The following FLRT2 variants were observed in gnomAD, a reference collection of about 807,000 sequenced individuals.
FLRT2 encodes leucine-rich repeat transmembrane protein FLRT2.
Under a neutral mutation model 40.0 loss-of-function variants are expected in FLRT2, and 15 were observed. The ratio of observed to expected loss-of-function variants is 0.38; its 90% CI spans 0.25 to 0.58. The LOEUF is 0.58. Ranked by LOEUF, FLRT2 falls within the 20% of genes least tolerant of loss-of-function variation. The pLI, the probability that FLRT2 is intolerant of heterozygous loss-of-function variation, is 0.71. For synonymous variants in FLRT2, 380 were observed against 336.8 expected, an observed-to-expected ratio of 1.13 and a Z score of -1.41; for missense variants, 726 against 840.0, an observed-to-expected ratio of 0.86 and a Z score of 1.68.
chr14:85,577,668 T>G (rs754677764), intron 1 of FLRT2, among the ~76,000 whole-genome samples: 3 of 151,956 alleles, frequency 2.0e-5, no homozygotes, highest in Non-Finnish European at 4.4e-5. Flanking sequence ...CTTGCTGTAA[T>G]CTGGAACTCC....
chr14:85,618,570 C>T (rs1020287137), intron 1 of FLRT2, among the ~76,000 whole-genome samples: 2 of 152,068 alleles, frequency 1.3e-5, no homozygotes, highest in Non-Finnish European at 2.9e-5. Context: ...AAGTGTCGTA[C>T]ATAGTCATTG....
chr14:85,581,682 A>T (rs756042743), intron 1 of FLRT2, among the ~76,000 whole-genome samples: 1 of 152,206 alleles, frequency 6.6e-6, no homozygotes, highest in Non-Finnish European at 1.5e-5. Flanking sequence ...GTTTTACAGT[A>T]TTATTTTAAA....
intron 1 of FLRT2, among the ~76,000 whole-genome samples, chr14:85,616,632 C>T (rs867233724): frequency 3.9e-5 from 6 of 152,144 alleles, no homozygotes; most frequent in East Asian, 1.9e-4. Context: ...TCTATCCTTC[C>T]GATTTTCACA....
chr14:85,571,366 T>A (rs1473188062), intron 1 of FLRT2, among the ~76,000 whole-genome samples: 1 of 152,158 alleles, frequency 6.6e-6, no homozygotes, highest in African/African-American at 2.4e-5. Context: ...TATTAGGTGG[T>A]CAAATAATGT....
At chr14:85,570,059 A>C (rs1423567880) in intron 1 of FLRT2, among the ~76,000 whole-genome samples, 1 of 152,130 alleles carries the variant, frequency 6.6e-6, no homozygotes, top group Non-Finnish European at 1.5e-5. Context: ...ACCAAATAAG[A>C]CTGTGTATCT....
Position 85,622,591 on chromosome 14 carries a change from C to A in FLRT2, c.1077C>A (p.Ser359=). ...AVRELNMNLL[S]CPTTTPGLPL... Reference sequence around the variant, plus strand: ...GGGAATTAAATATGAATCTTTTGTCCTGTCCCACCACGACCCCCGGCCTGC... The same window carrying A: ...GGGAATTAAATATGAATCTTTTGTCATGTCCCACCACGACCCCCGGCCTGC... Residue 359 remains serine, a synonymous_variant, in exon 2 of 2, where the codon TCC becomes TCA. Coordinates refer to ENST00000330753, the MANE Select transcript of FLRT2 (RefSeq NM_013231.6). 6.2e-7 allele frequency: 1 copy of A among 1,613,472 alleles called. No individual in the cohort carries two copies. Among genetic ancestry groups the A allele is most frequent in the Non-Finnish European group, 8.5e-7 (1 of 1,179,900 alleles).
intron 1 of FLRT2, among the ~76,000 whole-genome samples, chr14:85,611,495 A>G (rs1403468802): frequency 6.6e-6 from 1 of 152,202 alleles, no homozygotes; most frequent in East Asian, 1.9e-4. Flanking sequence ...GCTCATCAGG[A>G]AAGCACAACA....
At chr14:85,576,797 C>T (rs910120293) in intron 1 of FLRT2, among the ~76,000 whole-genome samples, 11 of 152,190 alleles carry the variant, frequency 7.2e-5, no homozygotes, top group African/African-American at 2.4e-4. Flanking sequence ...TGTAGACACA[C>T]CTTGAAAGTA....
chr14:85,601,235 G>A (rs749673585), intron 1 of FLRT2, among the ~76,000 whole-genome samples: 4 of 152,200 alleles, frequency 2.6e-5, no homozygotes, highest in Admixed American at 2.6e-4. Context: ...TGTTGCCCTG[G>A]GCAGGCGGTA....
At position 85,623,438 on chromosome 14, in the gene FLRT2, C is replaced by A; in HGVS notation, c.1924C>A (p.Pro642Thr). The A allele has an allele frequency of 6.7e-7, 1 of 1,486,400 alleles. No homozygotes were observed. Among genetic ancestry groups the A allele is most frequent in the Non-Finnish European group, 8.9e-7 (1 of 1,120,578 alleles). 92.1% of individuals were successfully genotyped at this position (1,486,400 alleles called of 1,614,324 possible). A position where few individuals can be genotyped will look rare whatever the true frequency, so the allele number is the denominator to read the frequency against. Residue 642 changes from proline (P) to threonine (T), a missense_variant, in exon 2 of 2, where the codon CCC (proline) becomes ACC (threonine). Transcript: ENST00000330753. ...CATTAATTACACAGACTGCCATATC[C>A]CCAACAACATGCGATACTGCAACAG... ...GGINYTDCHIPNNMRYCNSSV... is the reference protein window; with the variant it reads ...GGINYTDCHITNNMRYCNSSV...
chr14:85,576,398 G>C (rs1399439713), intron 1 of FLRT2, among the ~76,000 whole-genome samples: 1 of 152,106 alleles, frequency 6.6e-6, no homozygotes, highest in Admixed American at 6.6e-5. Context: ...TTGTCCAAAA[G>C]TATTTGCTGT....
In FLRT2 at chr14:85,629,436, A is replaced by G. The variant is rs149834296; in HGVS notation, c.*5939A>G. The stretch of plus-strand genomic sequence containing the variant: ...TTATTAAGCACCACGATGGAACTCA[A>G]TCTAAAGGAATAATGGCACCTGATA... On this transcript the variant is annotated 3_prime_UTR_variant, in exon 2 of 2. Coordinates refer to ENST00000330753, the MANE Select transcript of FLRT2 (RefSeq NM_013231.6). 5.9e-4 allele frequency: 90 copies of G among 152,360 alleles called. No individual in the cohort carries two copies. The highest frequency in any genetic ancestry group is 2.1e-3 in the African/African-American group (88 of 41,590). 9.4% of individuals were successfully genotyped at this position (152,360 alleles called of 1,614,324 possible). A position where few individuals can be genotyped will look rare whatever the true frequency, so the allele number is the denominator to read the frequency against.
At chr14:85,609,379 A>C (rs1892762886) in intron 1 of FLRT2, among the ~76,000 whole-genome samples, 1 of 152,050 alleles carries the variant, frequency 6.6e-6, no homozygotes, top group African/African-American at 2.4e-5. Context: ...TTTTTCAGGA[A>C]CTCTCACTGG....
At chr14:85,554,053 T>C (rs1241575427) in intron 1 of FLRT2, among the ~76,000 whole-genome samples, 1 of 152,218 alleles carries the variant, frequency 6.6e-6, no homozygotes, top group Non-Finnish European at 1.5e-5. Context: ...CCTTCTCTTT[T>C]CATTCTCATT....
chr14:85,582,285 T>C (rs572800675), intron 1 of FLRT2, among the ~76,000 whole-genome samples: 2 of 152,226 alleles, frequency 1.3e-5, no homozygotes, highest in East Asian at 1.9e-4. Context: ...CAGGGTGTAG[T>C]TGTGGTTTGT....
Position 85,645,563 on chromosome 14 carries a change from T to A in FLRT2, c.*22066T>A, listed in dbSNP as rs547278349. 2.0e-5 allele frequency: 3 copies of A among 152,252 alleles called. No individual in the cohort carries two copies. Among genetic ancestry groups the A allele is most frequent in the African/African-American group, 7.2e-5 (3 of 41,572 alleles). The allele number at this position is 152,252 out of a possible 1,614,324, so 9.4% of individuals were successfully genotyped here. On this transcript the variant is annotated 3_prime_UTR_variant, in exon 2 of 2. Transcript: ENST00000330753. ...CTAAGCATGGATACAATTTGGATCA[T>A]TGGTAATAAGGAGACTTAGGGAAGA...
chr14:85,568,219 G>A (rs1890720896), intron 1 of FLRT2, among the ~76,000 whole-genome samples: 1 of 151,216 alleles, frequency 6.6e-6, no homozygotes, highest in Admixed American at 6.6e-5. Flanking sequence ...TCTGCGGGGG[G>A]ATGATTGCTG....
At chr14:85,600,341 T>A (rs1458836706) in intron 1 of FLRT2, among the ~76,000 whole-genome samples, 1 of 152,194 alleles carries the variant, frequency 6.6e-6, no homozygotes. Context: ...CAGAATGTTC[T>A]AATTGGGTTA....
chr14:85,537,845 G>GTT (rs55897031), intron 1 of FLRT2, among the ~76,000 whole-genome samples: 23,768 of 146,304 alleles, frequency 0.16, 2,215 homozygotes, highest in Admixed American at 0.22. Flanking sequence ...TTCATGTTTT[G>GTT]TTTTTTTTTT....
Sources: gnomAD v4.1 joint callset for allele counts (sites outside exome capture counted in the v4.1 genomes callset) on GRCh38, gnomAD v4.1.1 for gene constraint, MANE v1.5 for transcripts, NCBI Gene and HGNC (gene_info 2026-07-23, HGNC 2026-07-21) for gene names.